CNTNAP2: variants seen among roughly 807,000 people sequenced by gnomAD.
CNTNAP2 encodes contactin associated protein 2.
In CNTNAP2, 98 loss-of-function variants were observed where a neutral mutation model predicts 155.2. The observed-to-expected ratio is 0.63, with a 90% confidence interval of 0.54 to 0.75. CNTNAP2 has a LOEUF of 0.75. Among genes scored for constraint, CNTNAP2 ranks in the 30% least tolerant of loss-of-function variants. The probability of loss-of-function intolerance (pLI) is 0.00; values close to 1 mark genes in which losing one functional copy is unlikely to be tolerated. For missense variants in CNTNAP2, 1,727 were observed against 1,688.1 expected (o/e 1.02, Z -0.40); for synonymous variants, 651 against 631.2 (o/e 1.03, Z -0.47).
intron 17 of CNTNAP2, among the ~76,000 whole-genome samples, chr7:148,155,134 C>A (rs547298436): frequency 6.6e-6 from 1 of 152,248 alleles, no homozygotes; most frequent in East Asian, 1.9e-4. Context: ...GATAACATTG[C>A]TAATTCTTGT....
chr7:147,715,824 T>C (rs536103087), intron 13 of CNTNAP2, among the ~76,000 whole-genome samples: 2 of 152,330 alleles, frequency 1.3e-5, no homozygotes, highest in South Asian at 4.1e-4. Context: ...TTTATAGTTT[T>C]GTAAGCTGCG....
intron 1 of CNTNAP2, among the ~76,000 whole-genome samples, chr7:146,331,805 G>T (rs1032688037): frequency 2.0e-5 from 3 of 152,062 alleles, no homozygotes; most frequent in African/African-American, 7.2e-5. Flanking sequence ...ATCTCTAACT[G>T]GTCACACAGA....
At chr7:147,152,772 T>A (rs1301833915) in intron 8 of CNTNAP2, among the ~76,000 whole-genome samples, 1 of 152,120 alleles carries the variant, frequency 6.6e-6, no homozygotes, top group Non-Finnish European at 1.5e-5. Flanking sequence ...ATGCTTAAAG[T>A]CATAAAAAAT....
intron 1 of CNTNAP2, among the ~76,000 whole-genome samples, chr7:146,636,331 C>A (rs344447): frequency 1.3e-5 from 2 of 151,806 alleles, no homozygotes; most frequent in African/African-American, 2.4e-5. Context: ...TTTTAACTTA[C>A]GAATTTTTAA....
intron 13 of CNTNAP2, among the ~76,000 whole-genome samples, chr7:147,687,118 A>C (rs551912704): frequency 6.6e-6 from 1 of 152,232 alleles, no homozygotes; most frequent in African/African-American, 2.4e-5. Flanking sequence ...TCAAATTATC[A>C]CTTGTATCCC....
intron 11 of CNTNAP2, among the ~76,000 whole-genome samples, chr7:147,486,656 T>C (rs369712394): frequency 6.6e-6 from 1 of 152,126 alleles, no homozygotes; most frequent in Non-Finnish European, 1.5e-5. Flanking sequence ...AAAACACATA[T>C]GTGCCTTGGT....
At chr7:146,509,909 C>G (rs552302479) in intron 1 of CNTNAP2, among the ~76,000 whole-genome samples, 2 of 152,286 alleles carry the variant, frequency 1.3e-5, no homozygotes, top group East Asian at 1.9e-4. Context: ...CCACCACCAC[C>G]CATGTCTCCA....
intron 1 of CNTNAP2, among the ~76,000 whole-genome samples, chr7:146,734,728 C>A (rs998348718): frequency 3.3e-5 from 5 of 152,266 alleles, no homozygotes; most frequent in Admixed American, 2.6e-4. Flanking sequence ...TGTACTTGAA[C>A]AAATGAATTT....
chr7:146,525,753 T>A (rs1797681883), intron 1 of CNTNAP2, among the ~76,000 whole-genome samples: 1 of 152,186 alleles, frequency 6.6e-6, no homozygotes, highest in African/African-American at 2.4e-5. Context: ...GGCTTGCGAA[T>A]GAGCTGAGTT....
chr7:146,184,738 T>C (rs1798598746), intron 1 of CNTNAP2, among the ~76,000 whole-genome samples: 1 of 152,168 alleles, frequency 6.6e-6, no homozygotes, highest in African/African-American at 2.4e-5. Context: ...AATCTAGTTA[T>C]CTTGATGAAT....
At chr7:147,013,449 T>A (rs1019979275) in intron 3 of CNTNAP2, among the ~76,000 whole-genome samples, 5 of 152,166 alleles carry the variant, frequency 3.3e-5, no homozygotes, top group Non-Finnish European at 5.9e-5. Context: ...GCATCCATTT[T>A]AGCTAACCTC....
At position 147,242,958 on chromosome 7, in the gene CNTNAP2, T is replaced by G. The variant is rs79028890; in HGVS notation, c.1349-57183T>G. On this transcript the variant is annotated intron_variant, in intron 8 of 23. Transcript: ENST00000361727. ...ATGAATTTGTGGTCATTATAAGTAT[T>G]GAATGTTGTATTCCACACTATGCTT... Among the ~76,000 whole-genome samples, 44 of 151,714 alleles carry G rather than the reference T, an allele frequency of 2.9e-4. 3 individuals carry two copies. The East Asian group carries it at 8.4e-3, about 29-fold the overall frequency.
At chr7:147,409,924 G>GAA (rs1305453241) in intron 10 of CNTNAP2, among the ~76,000 whole-genome samples, 2 of 152,028 alleles carry the variant, frequency 1.3e-5, no homozygotes, top group African/African-American at 4.8e-5. Context: ...AATGCTTTGG[G>GAA]AAAAAAAGGA....
chr7:148,034,699 A>G (rs906359554), intron 15 of CNTNAP2, among the ~76,000 whole-genome samples: 43 of 152,236 alleles, frequency 2.8e-4, no homozygotes, highest in African/African-American at 8.4e-4. Flanking sequence ...TTGGAACTGT[A>G]TAATGGGTAG....
chr7:147,182,418 T>C (rs1802479605), intron 8 of CNTNAP2, among the ~76,000 whole-genome samples: 1 of 152,158 alleles, frequency 6.6e-6, no homozygotes, highest in Admixed American at 6.5e-5. Context: ...AAATAAGATA[T>C]AGTCATGTAG....
intron 4 of CNTNAP2, among the ~76,000 whole-genome samples, chr7:147,088,109 C>G (rs982879310): frequency 2.1e-4 from 32 of 152,348 alleles, no homozygotes; most frequent in Admixed American, 2.0e-3. Flanking sequence ...ACTAATCAAT[C>G]TCGCTAACCT....
intron 1 of CNTNAP2, among the ~76,000 whole-genome samples, chr7:146,374,756 A>T (rs1246972742): frequency 2.6e-5 from 4 of 152,244 alleles, no homozygotes; most frequent in Admixed American, 1.3e-4. Context: ...GATGCCATTC[A>T]TACGGATTAA....
intron 1 of CNTNAP2, among the ~76,000 whole-genome samples, chr7:146,517,510 C>T (rs935414715): frequency 1.3e-5 from 2 of 151,828 alleles, no homozygotes; most frequent in African/African-American, 4.8e-5. Context: ...TCTGATGTGG[C>T]TTGAATGTGG....
intron 13 of CNTNAP2, among the ~76,000 whole-genome samples, chr7:147,801,853 G>A (rs541749637): frequency 4.9e-5 from 3 of 61,208 alleles, no homozygotes; most frequent in African/African-American, 2.3e-4. Flanking sequence ...CCTCCCAGAC[G>A]GGGGGGGCGG....
Sources: allele counts gnomAD v4.1 joint callset (sites outside exome capture counted in the v4.1 genomes callset), GRCh38; gene constraint gnomAD v4.1.1; transcripts MANE v1.5; gene names NCBI Gene and HGNC (gene_info 2026-07-23, HGNC 2026-07-21).